Variants in PCLO observed in about 807,000 individuals in gnomAD.
The protein encoded by PCLO is piccolo presynaptic cytomatrix protein, also known as protein piccolo.
PCLO carries 82 observed loss-of-function variants against 427.5 expected under a neutral mutation model. The observed-to-expected ratio is 0.19, with a 90% CI of 0.16 to 0.23. The LOEUF (loss-of-function observed/expected upper bound fraction) is 0.23. Ranked by LOEUF, PCLO falls within the 10% of genes least tolerant of loss-of-function variation. The pLI is 1.00. For missense variants in PCLO, 6,239 were observed against 6,115.9 expected (o/e 1.02, Z -0.67); for synonymous variants, 2,357 against 2,155.4 (o/e 1.09, Z -2.59).
intron 3 of PCLO, among the ~76,000 whole-genome samples, chr7:83,059,953 T>C (rs980657089): frequency 2.0e-5 from 3 of 152,172 alleles, no homozygotes; most frequent in Non-Finnish European, 4.4e-5. Context: ...TGGAATACAC[T>C]GAGGAGAAAC....
chr7:83,056,840 C>G (rs956295844), intron 3 of PCLO, among the ~76,000 whole-genome samples: 1 of 152,000 alleles, frequency 6.6e-6, no homozygotes, highest in African/African-American at 2.4e-5. Context: ...GTCTAGACTA[C>G]AGGGCCTTCT....
chr7:82,859,395 C>T (rs967044398), intron 10 of PCLO, among the ~76,000 whole-genome samples: 1 of 152,180 alleles, frequency 6.6e-6, no homozygotes, highest in Non-Finnish European at 1.5e-5. Flanking sequence ...CTTTAGGTGG[C>T]TCAGAACAGA....
intron 22 of PCLO, among the ~76,000 whole-genome samples, chr7:82,799,893 C>T (rs891706223): frequency 3.9e-5 from 6 of 152,116 alleles, no homozygotes; most frequent in Admixed American, 2.0e-4. Flanking sequence ...GCTTCTTTCA[C>T]GAGTATATCA....
At chr7:83,116,324 ACATAATGCAG>A (rs1791130596) in intron 3 of PCLO, among the ~76,000 whole-genome samples, 4 of 152,164 alleles carry the variant, frequency 2.6e-5, no homozygotes. Context: ...CGTAACCCAC[ACATAATGCAG>A]CAAGAAAATG....
intron 3 of PCLO, among the ~76,000 whole-genome samples, chr7:83,022,004 G>C (rs1173479098): frequency 3.9e-5 from 6 of 152,196 alleles, no homozygotes; most frequent in African/African-American, 2.4e-5. Flanking sequence ...TGAATGGTCT[G>C]AATGTATGTG....
At chr7:82,924,913 C>G (rs897737919) in intron 6 of PCLO, among the ~76,000 whole-genome samples, 1 of 152,052 alleles carries the variant, frequency 6.6e-6, no homozygotes, top group African/African-American at 2.4e-5. Context: ...GTTCACTGTA[C>G]TAAATACTGA....
At chr7:83,124,662 G>A (rs550002728) in intron 3 of PCLO, among the ~76,000 whole-genome samples, 1 of 152,128 alleles carries the variant, frequency 6.6e-6, no homozygotes, top group Non-Finnish European at 1.5e-5. Flanking sequence ...CCACTGCTAC[G>A]TATACATCCA....
intron 3 of PCLO, among the ~76,000 whole-genome samples, chr7:83,042,692 C>T (rs1411060495): frequency 1.3e-5 from 2 of 152,104 alleles, no homozygotes; most frequent in East Asian, 3.9e-4. Flanking sequence ...GAAACTTTAT[C>T]TCTACTAAAA....
intron 10 of PCLO, among the ~76,000 whole-genome samples, chr7:82,862,650 A>C (rs1792989601): frequency 6.6e-6 from 1 of 151,886 alleles, no homozygotes; most frequent in Non-Finnish European, 1.5e-5. Flanking sequence ...TGACATATAC[A>C]CAATGGGGTA....
At chr7:82,845,813 A>G (rs575759194) in intron 12 of PCLO, among the ~76,000 whole-genome samples, 38 of 152,252 alleles carry the variant, frequency 2.5e-4, no homozygotes, top group African/African-American at 9.1e-4. Context: ...TTGTATGATT[A>G]GCTGTTTTTC....
chr7:83,026,356 G>C (rs1355214220), intron 3 of PCLO, among the ~76,000 whole-genome samples: 1 of 151,918 alleles, frequency 6.6e-6, no homozygotes, highest in Non-Finnish European at 1.5e-5. Context: ...AAGAGACAAA[G>C]AAGGCCATTA....
At chr7:83,097,601 T>A (rs1053599374) in intron 3 of PCLO, among the ~76,000 whole-genome samples, 1 of 144,434 alleles carries the variant, frequency 6.9e-6, no homozygotes, top group African/African-American at 2.5e-5. Flanking sequence ...AAGGGCTTAC[T>A]CCTCTGTTTT....
rs1792215651 is a variant in PCLO, at chr7:82,835,672, A to G, written c.14244T>C (p.Asn4748=). Residue 4748 remains asparagine, a synonymous_variant, in exon 16 of 25, where the codon AAT becomes AAC. Coordinates refer to ENST00000333891, the MANE Select transcript of PCLO (RefSeq NM_033026.6). ...TGAAAGAGAAACAACTCTACCTTGCATTCTGGACAACCATGACTTGACTGC... is the reference window on the plus strand; with the variant it reads ...TGAAAGAGAAACAACTCTACCTTGCGTTCTGGACAACCATGACTTGACTGC... The part of the protein sequence containing the change: ...PGRGQVMVVQ[N]ASAEYKRRTK... 1 of 1,609,710 alleles carries G rather than the reference A, an allele frequency of 6.2e-7. No homozygotes were observed. Among genetic ancestry groups the G allele is most frequent in the Non-Finnish European group, 8.5e-7 (1 of 1,177,788 alleles).
chr7:83,091,486 T>C (rs1383387179), intron 3 of PCLO, among the ~76,000 whole-genome samples: 2 of 152,128 alleles, frequency 1.3e-5, no homozygotes, highest in Non-Finnish European at 2.9e-5. Flanking sequence ...AGCCCTGATT[T>C]TGAGAATTAC....
At chr7:82,840,892 C>A (rs1420642625) in intron 14 of PCLO, among the ~76,000 whole-genome samples, 1 of 151,680 alleles carries the variant, frequency 6.6e-6, no homozygotes, top group Non-Finnish European at 1.5e-5. Context: ...CTATGACCCA[C>A]AATCAGAAAT....
chr7:82,832,167 A>G (rs1689538438), intron 16 of PCLO, among the ~76,000 whole-genome samples: 1 of 152,222 alleles, frequency 6.6e-6, no homozygotes, highest in Non-Finnish European at 1.5e-5. Context: ...AAGGGAAAAT[A>G]AAAAGGTCAA....
chr7:82,841,961 T>C (rs1405430227), intron 13 of PCLO, among the ~76,000 whole-genome samples: 1 of 152,094 alleles, frequency 6.6e-6, no homozygotes, highest in Non-Finnish European at 1.5e-5. Context: ...ACCTCCCTGC[T>C]CCCTTCCAGA....
At chr7:82,806,737 A>G (rs969473487) in intron 20 of PCLO, among the ~76,000 whole-genome samples, 2 of 152,156 alleles carry the variant, frequency 1.3e-5, no homozygotes, top group African/African-American at 4.8e-5. Context: ...GCAACTGTAC[A>G]CTGCTTTTCT....
At chr7:82,858,126 C>G (rs1487382361) in intron 10 of PCLO, among the ~76,000 whole-genome samples, 1 of 151,962 alleles carries the variant, frequency 6.6e-6, no homozygotes, top group Non-Finnish European at 1.5e-5. Flanking sequence ...CCACCATGAT[C>G]AAGTGGGATT....
Sources: gnomAD v4.1 joint callset for allele counts (sites outside exome capture counted in the v4.1 genomes callset) on GRCh38, gnomAD v4.1.1 for gene constraint, MANE v1.5 for transcripts, NCBI Gene and HGNC (gene_info 2026-07-23, HGNC 2026-07-21) for gene names.